Variants in UBE2D2 observed in about 807,000 individuals in gnomAD.
The protein encoded by UBE2D2 is ubiquitin-conjugating enzyme E2 D2.
In UBE2D2, 2 loss-of-function variants were observed where a neutral mutation model predicts 24.2. The ratio of observed to expected loss-of-function variants is 0.08; its 90% CI spans 0.03 to 0.26. The LOEUF is 0.26. Ranked by LOEUF, UBE2D2 falls within the 10% of genes least tolerant of loss-of-function variation. The probability of loss-of-function intolerance (pLI) is 1.00; values close to 1 mark genes in which losing one functional copy is unlikely to be tolerated. For synonymous variants in UBE2D2, 58 were observed against 56.5 expected, an observed-to-expected ratio of 1.03 and a Z score of -0.12; for missense variants, 44 against 177.6, an observed-to-expected ratio of 0.25 and a Z score of 4.28.
intron 1 of UBE2D2, among the ~76,000 whole-genome samples, chr5:139,591,404 G>A (rs1353901356): frequency 2.0e-5 from 3 of 152,104 alleles, no homozygotes; most frequent in Non-Finnish European, 4.4e-5. Flanking sequence ...ACAGGCATGA[G>A]CCACCGCACC....
chr5:139,547,062 G>A (rs994834924), intron 1 of UBE2D2, among the ~76,000 whole-genome samples: 3 of 151,618 alleles, frequency 2.0e-5, no homozygotes, highest in Non-Finnish European at 1.5e-5. Flanking sequence ...AGGCTGATAC[G>A]GGCGGATCAC....
Position 139,554,712 on chromosome 5 carries a change from G to A in UBE2D2, c.-64+28100G>A, listed in dbSNP as rs564037762. Among the ~76,000 whole-genome samples the A allele has an allele frequency of 9.1e-4, 139 of 152,134 alleles. 2 individuals are homozygous for A. Among genetic ancestry groups the A allele is most frequent in the Non-Finnish European group, 1.9e-3 (128 of 68,022 alleles). On this transcript the variant is annotated intron_variant, in intron 1 of 6. Coordinates refer to the UBE2D2 transcript ENST00000511725. The stretch of plus-strand genomic sequence containing the variant: ...AAAGAGTAGAACGGCTGCGTCATAT[G>A]GTAGATGCATGTTTAACTTAATAAG...
intron 1 of UBE2D2, among the ~76,000 whole-genome samples, chr5:139,577,338 A>G (rs943272799): frequency 2.6e-5 from 4 of 151,248 alleles, no homozygotes; most frequent in African/African-American, 9.7e-5. Flanking sequence ...TAGTTCATGC[A>G]GGTTCTTTTG....
intron 1 of UBE2D2, among the ~76,000 whole-genome samples, chr5:139,547,089 GACC>G (rs1752841989): frequency 6.6e-6 from 1 of 151,784 alleles, no homozygotes; most frequent in East Asian, 2.0e-4. Context: ...AGGAGATCAA[GACC>G]ATCCTGGCTA....
In UBE2D2 at chr5:139,529,885, C is replaced by T. The variant is rs577044498; in HGVS notation, c.-64+3273C>T. Among the ~76,000 whole-genome samples, 3 of 152,192 alleles carry T rather than the reference C, an allele frequency of 2.0e-5. No homozygotes were observed. The East Asian group carries it at 5.8e-4, about 29-fold the overall frequency. ...ATGTAGCCCAGTCTCTACAAGTCAC[C>T]TCATGTTATGTCTGTGGAGGAACTG... On this transcript the variant is annotated intron_variant, in intron 1 of 6. Coordinates refer to the UBE2D2 transcript ENST00000511725.
At chr5:139,610,131 C>G (rs750756371) in intron 2 of UBE2D2, among the ~76,000 whole-genome samples, 4 of 152,016 alleles carry the variant, frequency 2.6e-5, no homozygotes, top group Non-Finnish European at 4.4e-5. Flanking sequence ...AGGAACAGTA[C>G]AGAGACAGAC....
intron 1 of UBE2D2, among the ~76,000 whole-genome samples, chr5:139,553,561 T>C (rs1480889913): frequency 6.6e-6 from 1 of 152,106 alleles, no homozygotes; most frequent in Non-Finnish European, 1.5e-5. Context: ...TCCAGGAACA[T>C]GCAGTGTGCT....
intron 1 of UBE2D2, among the ~76,000 whole-genome samples, chr5:139,587,944 G>A (rs1753766707): frequency 6.6e-6 from 1 of 152,086 alleles, no homozygotes; most frequent in African/African-American, 2.4e-5. Context: ...TAAGTTGCGA[G>A]CCCCGTATTT....
intron 1 of UBE2D2, among the ~76,000 whole-genome samples, chr5:139,549,861 G>A (rs950563868): frequency 6.6e-6 from 1 of 152,202 alleles, no homozygotes; most frequent in African/African-American, 2.4e-5. Context: ...GTGTACATGC[G>A]CCAATCAGCA....
chr5:139,615,241 T>C (rs1754398578), intron 5 of UBE2D2, among the ~76,000 whole-genome samples: 1 of 152,158 alleles, frequency 6.6e-6, no homozygotes, highest in African/African-American at 2.4e-5. Context: ...TCTCAGCACT[T>C]TGGGAGGCCG....
intron 1 of UBE2D2, among the ~76,000 whole-genome samples, chr5:139,564,748 C>A (rs1473757388): frequency 6.6e-6 from 1 of 152,206 alleles, no homozygotes; most frequent in Non-Finnish European, 1.5e-5. Flanking sequence ...GCCACGTCAT[C>A]TGGCCTGGCC....
At chr5:139,540,346 C>T (rs1433897727) in intron 1 of UBE2D2, among the ~76,000 whole-genome samples, 1 of 151,992 alleles carries the variant, frequency 6.6e-6, no homozygotes, top group Non-Finnish European at 1.5e-5. Context: ...TTAAATAGTA[C>T]ATCGACATAA....
intron 6 of UBE2D2, chr5:139,623,666 C>T (rs1490533374): frequency 4.7e-6 from 2 of 423,338 alleles, no homozygotes; most frequent in Non-Finnish European, 8.4e-6. Context: ...TTTCACGTGA[C>T]TCCTCTTGTC....
intron 1 of UBE2D2, among the ~76,000 whole-genome samples, chr5:139,535,790 A>G: frequency 6.6e-6 from 1 of 152,270 alleles, no homozygotes; most frequent in East Asian, 1.9e-4. Context: ...ACAAAGGTAG[A>G]GGAAATGTAT....
chr5:139,539,668 T>C (rs2126631456), intron 1 of UBE2D2, among the ~76,000 whole-genome samples: 1 of 152,124 alleles, frequency 6.6e-6, no homozygotes, highest in East Asian at 1.9e-4. Context: ...CTCGGCTGAC[T>C]GCAACCTCTG....
chr5:139,621,522 A>G (rs1031894600), intron 5 of UBE2D2, among the ~76,000 whole-genome samples: 1 of 152,250 alleles, frequency 6.6e-6, no homozygotes, highest in Non-Finnish European at 1.5e-5. Context: ...TGAAAATTAA[A>G]CAAAACAATT....
intron 1 of UBE2D2, among the ~76,000 whole-genome samples, chr5:139,584,823 G>A (rs546667911): frequency 4.2e-4 from 63 of 150,906 alleles, no homozygotes; most frequent in African/African-American, 1.4e-3. Flanking sequence ...GTGAGCCACC[G>A]TGCCTAGCCC....
At position 139,584,533 on chromosome 5, in the gene UBE2D2, C is replaced by CT. The variant is rs10642044; in HGVS notation, c.25-15824dup. 1.9e-3 allele frequency among the ~76,000 whole-genome samples: 255 copies of CT among 133,024 alleles called. 2 individuals are homozygous for CT. Among genetic ancestry groups the CT allele is most frequent in the Middle Eastern group, 0.012 (3 of 248 alleles). The allele number at this position is 133,024 out of a possible 152,430, so 87.3% of individuals were successfully genotyped here. A position where few individuals can be genotyped will look rare whatever the true frequency, so the allele number is the denominator to read the frequency against. On this transcript the variant is annotated intron_variant, in intron 1 of 6. Transcript: ENST00000398733. ...ACCTTTTTCTTTTTTCTTTTCTTTT[C>CT]TTTTTTTTTTTTTTTGAGACAAGAG...
chr5:139,553,169 T>C (rs146285835), intron 1 of UBE2D2, among the ~76,000 whole-genome samples: 1 of 152,290 alleles, frequency 6.6e-6, no homozygotes, highest in African/African-American at 2.4e-5. Flanking sequence ...TCTAGAATGT[T>C]TTGAGACAAT....
Sources: gnomAD v4.1 joint callset for allele counts (sites outside exome capture counted in the v4.1 genomes callset) on GRCh38, gnomAD v4.1.1 for gene constraint, MANE v1.5 for transcripts, NCBI Gene and HGNC (gene_info 2026-07-23, HGNC 2026-07-21) for gene names.